CCK: variants seen among roughly 807,000 people sequenced by gnomAD.
CCK encodes the protein cholecystokinin.
A neutral mutation model predicts 10.1 loss-of-function variants in CCK; 11 were observed. That is an observed-to-expected ratio of 1.09 (90% CI 0.69 to 1.81). The LOEUF (loss-of-function observed/expected upper bound fraction) is 1.81. Among genes scored for constraint, CCK ranks in the 40% most tolerant of loss-of-function variants. The probability of loss-of-function intolerance (pLI) is 0.00; values close to 1 mark genes in which losing one functional copy is unlikely to be tolerated. For missense variants in CCK, 137 were observed against 159.9 expected, an observed-to-expected ratio of 0.86 and a Z score of 0.77; for synonymous variants, 83 against 71.9, an observed-to-expected ratio of 1.15 and a Z score of -0.78.
At chr3:42,262,046 A>C (rs1711222334) in intron 4 of CCK, among the ~76,000 whole-genome samples, 1 of 152,002 alleles carries the variant, frequency 6.6e-6, no homozygotes, top group Non-Finnish European at 1.5e-5. Flanking sequence ...TCTTCCCTTC[A>C]TGTGAACCCA....
At chr3:42,262,946 G>A (rs1301001550) in intron 4 of CCK, 1 of 201,052 alleles carries the variant, frequency 5.0e-6, no homozygotes, top group Admixed American at 5.3e-5. Flanking sequence ...CTTTCCTTCT[G>A]TTACATACTT....
At position 42,258,226 on chromosome 3, in the gene CCK, A is replaced by G. The variant is rs1711165297; in HGVS notation, c.220T>C (p.Ser74Pro). The G allele has an allele frequency of 1.2e-6, 2 of 1,612,952 alleles. No homozygotes were observed. Among genetic ancestry groups the G allele is most frequent in the African/African-American group, 2.7e-5 (2 of 74,806 alleles). ...TTCTTAACGATGGACATTCGTCCAG[A>G]AGGAGCTACAAGGAGCAGGGAGGAA... Reference protein sequence around the residue: ...RYIQQARKAPSGRMSIVKNLQ... With the variant: ...RYIQQARKAPPGRMSIVKNLQ... Residue 74 changes from serine to proline, a missense_variant, in exon 5 of 5, where the codon TCT becomes CCT. By Grantham distance (74) the Ser-to-Pro change is moderately conservative. Transcript: ENST00000396169.
rs576832067 is a variant in CCK, at chr3:42,263,475, G to A, written c.156C>T (p.Gly52=). The change falls in exon 4 of 5, where the codon GGC becomes GGT. Residue 52 remains glycine, a synonymous_variant. Coordinates refer to ENST00000396169, the MANE Select transcript of CCK (RefSeq NM_000729.6). ...GGGCGCCCAGGTGCGCTCGGGACTC[G>A]CCATCCGTTCTCTGCGATACCCTCA... The part of the protein sequence containing the change: ...RQLRVSQRTD[G]ESRAHLGALL... 8 of 1,614,152 alleles carry A rather than the reference G, an allele frequency of 5.0e-6. No homozygotes were observed. The highest frequency in any genetic ancestry group is 4.4e-5 in the South Asian group (4 of 91,086).
At chr3:42,262,661 A>G (rs1389140355) in intron 4 of CCK, among the ~76,000 whole-genome samples, 1 of 152,234 alleles carries the variant, frequency 6.6e-6, no homozygotes, top group Non-Finnish European at 1.5e-5. Context: ...ATGGGTCACA[A>G]GAGATGAATG....
Position 42,263,650 on chromosome 3 carries a change from G to A in CCK, c.-2-18C>T. 1 of 1,515,138 alleles carries A rather than the reference G, an allele frequency of 6.6e-7. No individual in the cohort carries two copies. Among genetic ancestry groups the A allele is most frequent in the African/African-American group, 1.4e-5 (1 of 72,312 alleles). 93.9% of individuals were successfully genotyped at this position (1,515,138 alleles called of 1,614,324 possible). On this transcript the variant is annotated intron_variant, in intron 3 of 4. Coordinates refer to ENST00000396169, the MANE Select transcript of CCK (RefSeq NM_000729.6). ...GTTCATGGCTGTAGCGAGCAAAGGA[G>A]GAGGGCGCGTTAACTGAAAGGCTGG...
chr3:42,262,223 T>C (rs946672397), intron 4 of CCK, among the ~76,000 whole-genome samples: 10 of 147,114 alleles, frequency 6.8e-5, no homozygotes, highest in South Asian at 2.2e-4. Flanking sequence ...AGTTCTTTTT[T>C]TTTTTTTTTT....
intron 4 of CCK, among the ~76,000 whole-genome samples, chr3:42,260,216 C>T (rs967188909): frequency 1.1e-4 from 16 of 152,132 alleles, no homozygotes; most frequent in African/African-American, 2.4e-5. Flanking sequence ...CCTCAGCCTA[C>T]GTAGAAGAAA....
intron 4 of CCK, among the ~76,000 whole-genome samples, chr3:42,261,580 T>A (rs1287344246): frequency 6.6e-6 from 1 of 151,524 alleles, no homozygotes; most frequent in Admixed American, 6.6e-5. Flanking sequence ...TGTCTAGTAT[T>A]GGTTCTAGGA....
chr3:42,262,631 C>T (rs1711232944), intron 4 of CCK, among the ~76,000 whole-genome samples: 1 of 152,196 alleles, frequency 6.6e-6, no homozygotes, highest in South Asian at 2.1e-4. Context: ...AAAGCTGCCC[C>T]AATCCAAAGC....
intron 4 of CCK, chr3:42,263,205 T>C (rs952179932): frequency 8.5e-6 from 6 of 705,032 alleles, no homozygotes; most frequent in Non-Finnish European, 1.5e-5. Context: ...TAAAAATTAG[T>C]TCAAAGAAAG....
chr3:42,263,353 A>C, intron 4 of CCK, 64 bp downstream of exon 4: 1 of 1,612,300 alleles, frequency 6.2e-7, no homozygotes. Flanking sequence ...GCTAGAGAAG[A>C]GGGTCAGCAT....
chr3:42,263,324 T>A (rs941522669), intron 4 of CCK, 93 bp downstream of exon 4: 1 of 1,581,134 alleles, frequency 6.3e-7, no homozygotes. Flanking sequence ...CCGAGAGAGG[T>A]CATCCCCATC....
Position 42,263,576 on chromosome 3 carries a change from G to C in CCK, c.55C>G (p.Leu19Val). Residue 19 changes from leucine to valine, a missense_variant, in exon 4 of 5, where the codon CTG becomes GTG. By Grantham distance (32) the Leu-to-Val change is conservative (BLOSUM62 1). Coordinates refer to ENST00000396169, the MANE Select transcript of CCK (RefSeq NM_000729.6). The part of the protein sequence containing the change: ...VLMAVLAAGA[L>V]TQPVPPADPA... ...TCTGCGGGAGGCACCGGCTGCGTCA[G>C]GGCGCCAGCCGCCAGTACCGCCATC... 1 of 1,602,722 alleles carries C rather than the reference G, an allele frequency of 6.2e-7. No homozygotes were observed. The highest frequency in any genetic ancestry group is 8.5e-7 in the Non-Finnish European group (1 of 1,175,282).
In CCK at chr3:42,263,495, C is replaced by T. The variant is rs1333512726; in HGVS notation, c.136G>A (p.Val46Ile). The stretch of plus-strand genomic sequence containing the variant: ...GACTCGCCATCCGTTCTCTGCGATA[C>T]CCTCAGCTGCCTACGGGGCGCCTCC... ...AEEAPRRQLR[V>I]SQRTDGESRA... is the part of the protein sequence containing the mutation. The change falls in exon 4 of 5, where the codon GTA (valine) becomes ATA (isoleucine). Residue 46 changes from valine (V) to isoleucine (I), a missense_variant. Physicochemically the swap from Val to Ile is conservative, Grantham distance 29 (BLOSUM62 3). Coordinates refer to ENST00000396169, the MANE Select transcript of CCK (RefSeq NM_000729.6). 6 of 1,613,982 alleles carry T rather than the reference C, an allele frequency of 3.7e-6. No individual in the cohort carries two copies. The highest frequency in any genetic ancestry group is 5.1e-6 in the Non-Finnish European group (6 of 1,180,004).
chr3:42,263,397 T>A lies in CCK; in HGVS notation c.214+20A>T. ...TGGGAACAAGGGCAGAAGTGAGGGA[T>A]GGGGAGGCAGCATTCTTACCTTTCC... On this transcript the variant is annotated intron_variant, in intron 4 of 4. Coordinates refer to ENST00000396169, the MANE Select transcript of CCK (RefSeq NM_000729.6). The A allele has an allele frequency of 6.2e-7, 1 of 1,613,962 alleles. No homozygotes were observed. Among genetic ancestry groups the A allele is most frequent in the Non-Finnish European group, 8.5e-7 (1 of 1,179,972 alleles).
intron 4 of CCK, among the ~76,000 whole-genome samples, chr3:42,261,923 G>T (rs1229224106): frequency 1.3e-5 from 2 of 152,184 alleles, no homozygotes. Flanking sequence ...AATTTAATTA[G>T]CAGGAAAGCA....
intron 4 of CCK, among the ~76,000 whole-genome samples, chr3:42,262,258 T>C (rs1030901217): frequency 1.3e-5 from 2 of 151,012 alleles, no homozygotes; most frequent in Non-Finnish European, 1.5e-5. Context: ...TTCACTCTTG[T>C]TGCTCAGGCC....
At chr3:42,261,464 C>G (rs2149571048) in intron 4 of CCK, among the ~76,000 whole-genome samples, 1 of 152,144 alleles carries the variant, frequency 6.6e-6, no homozygotes, top group African/African-American at 2.4e-5. Context: ...ATTGCTATTC[C>G]CTCCTGGGTT....
At position 42,257,926 on chromosome 3, in the gene CCK, G is replaced by A; in HGVS notation, c.*172C>T. On this transcript the variant is annotated 3_prime_UTR_variant, in exon 5 of 5. Transcript: ENST00000396169. ...CATTTGCACAATTCTGGTGAGGTGT[G>A]TGGTTGCACTGGACAATCTTACAGA... 1.6e-6 allele frequency: 1 copy of A among 622,830 alleles called. No homozygotes were observed. The highest frequency in any genetic ancestry group is 2.7e-6 in the Non-Finnish European group (1 of 368,178). 38.6% of individuals were successfully genotyped at this position (622,830 alleles called of 1,614,324 possible).
Sources: allele counts gnomAD v4.1 joint callset (sites outside exome capture counted in the v4.1 genomes callset), GRCh38; gene constraint gnomAD v4.1.1; transcripts MANE v1.5; gene names NCBI Gene and HGNC (gene_info 2026-07-23, HGNC 2026-07-21).